The following SEMA3F variants were observed in gnomAD, a reference collection of about 807,000 sequenced individuals.
The protein encoded by SEMA3F is semaphorin-3F.
Under a neutral mutation model 98.5 loss-of-function variants are expected in SEMA3F, and 30 were observed. The ratio of observed to expected loss-of-function variants is 0.30; its 90% CI spans 0.23 to 0.41. SEMA3F has a LOEUF of 0.41. SEMA3F is among the 10% of genes least tolerant of loss of function. The pLI is 1.00. For missense variants in SEMA3F, 866 were observed against 1,119.3 expected (o/e 0.77, Z 3.23); for synonymous variants, 380 against 444.8 (o/e 0.85, Z 1.83).
At chr3:50,184,397 T>G in intron 12 of SEMA3F, 195 bp from the exon 13 acceptor site, 2 of 590,880 alleles carry the variant, frequency 3.4e-6, no homozygotes, top group East Asian at 2.8e-5. Context: ...GGCTGTGGCA[T>G]TTGGCCACCT....
chr3:50,187,438 A>AT (rs1559740990), intron 18 of SEMA3F, among the ~76,000 whole-genome samples: 4 of 152,006 alleles, frequency 2.6e-5, no homozygotes, highest in African/African-American at 7.2e-5. Flanking sequence ...AAAAAAAAAA[A>AT]AAAAAAAAGG....
rs375934702 is a variant in SEMA3F at position 50,175,197 on chromosome 3, C to T, written c.549+9C>T. Reference sequence around the variant, plus strand: ...CCACAGCCCCACGCCAGGTGGGCCTCATCCCTCCAGGCCTTTGCCAGGCAG... The same window carrying T: ...CCACAGCCCCACGCCAGGTGGGCCTTATCCCTCCAGGCCTTTGCCAGGCAG... On this transcript the variant is annotated intron_variant, in intron 6 of 18. Transcript: ENST00000002829. 15 of 1,568,298 alleles carry T rather than the reference C, an allele frequency of 9.6e-6. No homozygotes were observed. The highest frequency in any genetic ancestry group is 8.1e-5 in the South Asian group (7 of 86,810).
At chr3:50,177,028 A>T (rs1206929128) in intron 7 of SEMA3F, among the ~76,000 whole-genome samples, 167 bp downstream of exon 7, 1 of 152,166 alleles carries the variant, frequency 6.6e-6, no homozygotes, top group African/African-American at 2.4e-5. Context: ...GCCAGACCCC[A>T]CTGTGAGCTG....
At position 50,173,970 on chromosome 3, in the gene SEMA3F, A is replaced by T; in HGVS notation, c.273+17A>T. The T allele has an allele frequency of 6.2e-7, 1 of 1,613,990 alleles. No homozygotes were observed. Among genetic ancestry groups the T allele is most frequent in the Non-Finnish European group, 8.5e-7 (1 of 1,179,954 alleles). On this transcript the variant is annotated intron_variant, in intron 3 of 18. Transcript: ENST00000002829. ...CCCCTCATTGTAAGGGCTGGCCCTG[A>T]TGTGGGACGTGGGGTGGGCACGGAG...
chr3:50,166,810 C>G lies in SEMA3F; in HGVS notation c.113-6983C>G, dbSNP rs1698423384. Among the ~76,000 whole-genome samples, 1 of 152,038 alleles carries G rather than the reference C, an allele frequency of 6.6e-6. No homozygotes were observed. Among genetic ancestry groups the G allele is most frequent in the Non-Finnish European group, 1.5e-5 (1 of 68,014 alleles). ...TGGGTGATTTATCAGAGTAAATGAG[C>G]CATGGAGAGTTTGTTGTCTTTTGCA... On this transcript the variant is annotated intron_variant, in intron 2 of 18. Coordinates refer to ENST00000002829, the MANE Select transcript of SEMA3F (RefSeq NM_004186.5). The surrounding 1 kb of genome is among the most constrained non-coding windows in gnomAD (Gnocchi z 4.7).
intron 16 of SEMA3F, 69 bp from the exon 17 acceptor site, chr3:50,186,212 C>T: frequency 6.5e-7 from 1 of 1,541,248 alleles, no homozygotes; most frequent in Non-Finnish European, 8.9e-7. Flanking sequence ...GCCCTGGAGT[C>T]AGGGAGATAC....
chr3:50,183,650 A>G (rs899798284), intron 12 of SEMA3F, 86 bp downstream of exon 12: 1 of 1,420,200 alleles, frequency 7.0e-7, no homozygotes, highest in Admixed American at 1.9e-5. Context: ...GGGCCCCACC[A>G]TCATGGCCCT....
chr3:50,155,157 G>T, upstream of SEMA3F: 2 of 370,834 alleles, frequency 5.4e-6, no homozygotes, highest in East Asian at 4.4e-5. The surrounding 1 kb of genome is among the most constrained non-coding windows in gnomAD (Gnocchi z 4.9). Flanking sequence ...GGTACGCCGC[G>T]AGGAACCGTG....
At position 50,183,569 on chromosome 3, in the gene SEMA3F, G is replaced by A; in HGVS notation, c.1233+5G>A. On this transcript the variant is annotated splice_donor_5th_base_variant and intron_variant, in intron 12 of 18. Transcript: ENST00000002829. Reference sequence around the variant, plus strand: ...CCCTACCCACGGCCGGGCACGGTAAGGACCCCACTCATCCTGCCTCTCCCC... The same window carrying A: ...CCCTACCCACGGCCGGGCACGGTAAAGACCCCACTCATCCTGCCTCTCCCC... 3.7e-6 allele frequency: 6 copies of A among 1,613,606 alleles called. No homozygotes were observed. Among genetic ancestry groups the A allele is most frequent in the Non-Finnish European group, 5.1e-6 (6 of 1,179,820 alleles).
Position 50,186,308 on chromosome 3 carries a change from C to T in SEMA3F, c.1773C>T (p.His591=), listed in dbSNP as rs148897173. The T allele has an allele frequency of 8.6e-5, 138 of 1,613,836 alleles. 1 individual carries two copies. The highest frequency in any genetic ancestry group is 5.6e-4 in the African/African-American group (42 of 75,030). The change falls in exon 17 of 19, where the codon CAC becomes CAT. Residue 591 remains histidine (H), a synonymous_variant. Coordinates refer to ENST00000002829, the MANE Select transcript of SEMA3F (RefSeq NM_004186.5). ...GGAGCCGCCGGCAGGACGTCCGGCA[C>T]GGAAACCCCATCAGGCAGTGCCGTG... ...KRRSRRQDVR[H]GNPIRQCRGF...
At chr3:50,170,323 G>C (rs1559725215) in intron 2 of SEMA3F, among the ~76,000 whole-genome samples, 1 of 152,086 alleles carries the variant, frequency 6.6e-6, no homozygotes, top group Non-Finnish European at 1.5e-5. Context: ...ACTGGAGTTG[G>C]GAAGGCTGGA....
Position 50,183,209 on chromosome 3 carries a change from C to T in SEMA3F, c.1042C>T (p.Gln348Ter), listed in dbSNP as rs1699082172. 1 of 1,614,148 alleles carries T rather than the reference C, an allele frequency of 6.2e-7. No homozygotes were observed. Among genetic ancestry groups the T allele is most frequent in the Non-Finnish European group, 8.5e-7 (1 of 1,180,018 alleles). ...AGAGGACGTGTTTGTCCAGCAGACC[C>T]AGGACGTGAGGAACCCTGTCATTTA... ...ELQDVFVQQTQDVRNPVIYAV... is the reference protein window; with the variant it reads ...ELQDVFVQQT The change falls in exon 11 of 19, where the codon CAG becomes TAG. Residue 348 changes from glutamine (Q) to a stop codon, truncating the protein, a stop_gained. Transcript: ENST00000002829. LOFTEE classifies it high-confidence loss of function.
In SEMA3F at chr3:50,183,270, A is replaced by G. The variant is rs747902318; in HGVS notation, c.1088+15A>G. ...ACCTCCTCTGGGTGAGGCTGGGGTC[A>G]GGGCCAGCAGTGGCAGGGAGTGGCC... is the stretch of plus-strand genomic sequence containing the variant. On this transcript the variant is annotated intron_variant, in intron 11 of 18. Coordinates refer to ENST00000002829, the MANE Select transcript of SEMA3F (RefSeq NM_004186.5). 3.7e-6 allele frequency: 6 copies of G among 1,613,286 alleles called. No homozygotes were observed. Among genetic ancestry groups the G allele is most frequent in the African/African-American group, 1.3e-5 (1 of 75,038 alleles).
At position 50,188,571 on chromosome 3, in the gene SEMA3F, C is replaced by T. The variant is rs1699329139; in HGVS notation, c.*456C>T. The T allele has an allele frequency of 6.6e-6, 1 of 152,516 alleles. No individual in the cohort carries two copies. Among genetic ancestry groups the T allele is most frequent in the East Asian group, 1.9e-4 (1 of 5,198 alleles). The allele number at this position is 152,516 out of a possible 1,614,324, so 9.4% of individuals were successfully genotyped here. A position where few individuals can be genotyped will look rare whatever the true frequency, so the allele number is the denominator to read the frequency against. On this transcript the variant is annotated 3_prime_UTR_variant, in exon 19 of 19. Transcript: ENST00000002829. The surrounding 1 kb of genome is among the most constrained non-coding windows in gnomAD (Gnocchi z 4.5). ...TTGGAGACTGGGGTGGCCTCAAGAG[C>T]ACACAGAGAAGGGAAGAAGGGGCCA...
At chr3:50,183,721 C>G (rs980498924) in intron 12 of SEMA3F, 157 bp downstream of exon 12, 2 of 777,446 alleles carry the variant, frequency 2.6e-6, no homozygotes, top group Non-Finnish European at 4.1e-6. Flanking sequence ...CACACAGTGT[C>G]AAGCTGTGGA....
Position 50,182,494 on chromosome 3 carries a change from A to G in SEMA3F, c.763+91A>G, listed in dbSNP as rs1699051205. On this transcript the variant is annotated intron_variant, in intron 8 of 18. Transcript: ENST00000002829. The surrounding 1 kb of genome is among the most constrained non-coding windows in gnomAD (Gnocchi z 4.5). ...AAGCACATGTGGGGGAAGTGGGGAC[A>G]TGTTTAGCCTATGACTACCTGGGGC... 6 of 1,592,534 alleles carry G rather than the reference A, an allele frequency of 3.8e-6. No individual in the cohort carries two copies. The highest frequency in any genetic ancestry group is 1.1e-5 in the South Asian group (1 of 90,272).
Position 50,158,843 on chromosome 3 carries a change from G to A in SEMA3F, c.-48-732G>A, listed in dbSNP as rs367868560. On this transcript the variant is annotated intron_variant, in intron 1 of 18. Transcript: ENST00000002829. The surrounding 1 kb of genome is among the most constrained non-coding windows in gnomAD (Gnocchi z 4.8). Reference sequence around the variant, plus strand: ...TATGGGGGATTCTGAAGGTGGCAATGCCGCTGGCCCAGATCCAGCCCCAGG... The same window carrying A: ...TATGGGGGATTCTGAAGGTGGCAATACCGCTGGCCCAGATCCAGCCCCAGG... Among the ~76,000 whole-genome samples the A allele has an allele frequency of 6.6e-6, 1 of 152,210 alleles. No homozygotes were observed. Among genetic ancestry groups the A allele is most frequent in the East Asian group, 1.9e-4 (1 of 5,194 alleles).
In SEMA3F at chr3:50,187,867, G is replaced by C; in HGVS notation, c.2110G>C (p.Ala704Pro). 2 of 1,613,128 alleles carry C rather than the reference G, an allele frequency of 1.2e-6. No homozygotes were observed. The highest frequency in any genetic ancestry group is 1.7e-6 in the Non-Finnish European group (2 of 1,179,860). Residue 704 changes from alanine to proline, a missense_variant, in exon 19 of 19, where the codon GCT becomes CCT. This residue lies in a region of SEMA3F where 245 missense variants were observed against 260.5 expected (regional missense o/e 0.94). Transcript: ENST00000002829. ...TGTACTGGGCCGGGACGCCGTCCAT[G>C]CTGCCCTCTTCCCACCACTGTCCAT... ...LHVLGRDAVHAALFPPLSMSA... is the reference protein window; with the variant it reads ...LHVLGRDAVHPALFPPLSMSA...
At chr3:50,168,755 G>C (rs1485735021) in intron 2 of SEMA3F, among the ~76,000 whole-genome samples, 1 of 152,150 alleles carries the variant, frequency 6.6e-6, no homozygotes, top group African/African-American at 2.4e-5. Flanking sequence ...TCCTGTGGGG[G>C]TATCCGGTAG....
Sources: allele counts gnomAD v4.1 joint callset (sites outside exome capture counted in the v4.1 genomes callset), GRCh38; gene constraint gnomAD v4.1.1; regional missense constraint gnomAD v4.1.1; non-coding constraint Gnocchi (gnomAD v3.1); transcripts MANE v1.5; gene names NCBI Gene and HGNC (gene_info 2026-07-23, HGNC 2026-07-21).